The following PITPNB variants were observed in gnomAD, a reference collection of about 807,000 sequenced individuals.
The protein encoded by PITPNB is phosphatidylinositol transfer protein beta, also known as phosphatidylinositol transfer protein beta isoform.
A neutral mutation model predicts 45.9 loss-of-function variants in PITPNB; 16 were observed. The ratio of observed to expected loss-of-function variants is 0.35; its 90% CI spans 0.24 to 0.53. PITPNB has a LOEUF of 0.53. PITPNB is among the 20% of genes least tolerant of loss of function. The pLI is 0.93. For synonymous variants in PITPNB, 112 were observed against 108.9 expected, an observed-to-expected ratio of 1.03 and a Z score of -0.18; for missense variants, 188 against 330.5, an observed-to-expected ratio of 0.57 and a Z score of 3.34.
intron 6 of PITPNB, 35 bp from the exon 7 acceptor site, chr22:27,894,673 C>G (rs1262087088): frequency 1.7e-6 from 2 of 1,208,690 alleles, no homozygotes; most frequent in Admixed American, 1.7e-5. Context: ...ACAAAACAAA[C>G]TGTAGATTAT....
Position 27,894,547 on chromosome 22 carries a change from ATACT to A in PITPNB, c.456+4_456+7del. The stretch of plus-strand genomic sequence containing the variant: ...GGAACAGATTAAATGTCATTGAGTA[ATACT>A]TACTGCTGGTTCAACTTGACTTCTA... On this transcript the variant is annotated splice_donor_5th_base_variant and intron_variant, in intron 7 of 11. Coordinates refer to ENST00000335272, the MANE Select transcript of PITPNB (RefSeq NM_012399.5). 2 of 1,402,052 alleles carry A rather than the reference ATACT, an allele frequency of 1.4e-6. No homozygotes were observed. Among genetic ancestry groups the A allele is most frequent in the Non-Finnish European group, 2.0e-6 (2 of 988,156 alleles). 86.9% of individuals were successfully genotyped at this position (1,402,052 alleles called of 1,614,324 possible). A position where few individuals can be genotyped will look rare whatever the true frequency, so the allele number is the denominator to read the frequency against.
In PITPNB at chr22:27,866,158, T is replaced by C. The variant is rs143221379; in HGVS notation, c.535-5917A>G. On this transcript the variant is annotated intron_variant, in intron 8 of 11. Transcript: ENST00000335272. ...CAAAAGTTCTACAAGATGAACGTCATGGGCTAACAAGAACCTCAAATTATG... is the reference window on the plus strand; with the variant it reads ...CAAAAGTTCTACAAGATGAACGTCACGGGCTAACAAGAACCTCAAATTATG... 1.5e-3 allele frequency among the ~76,000 whole-genome samples: 229 copies of C among 152,360 alleles called. 1 individual carries two copies. The highest frequency in any genetic ancestry group is 5.1e-3 in the African/African-American group (214 of 41,594).
intron 8 of PITPNB, among the ~76,000 whole-genome samples, chr22:27,872,099 T>G (rs1934682346): frequency 2.8e-5 from 4 of 140,958 alleles, no homozygotes; most frequent in Admixed American, 7.1e-5. Flanking sequence ...TTTTTTTTTT[T>G]TTTTTTTTTT....
intron 8 of PITPNB, among the ~76,000 whole-genome samples, chr22:27,868,153 C>T (rs373987601): frequency 6.6e-6 from 1 of 152,156 alleles, no homozygotes; most frequent in Non-Finnish European, 1.5e-5. Context: ...TCAAATGCTT[C>T]GTATCCTCCC....
At chr22:27,865,299 CA>C (rs1184027225) in intron 8 of PITPNB, among the ~76,000 whole-genome samples, 2 of 152,204 alleles carry the variant, frequency 1.3e-5, no homozygotes, top group Non-Finnish European at 2.9e-5. Flanking sequence ...ATTCTTCTTT[CA>C]CTATAAACAA....
At chr22:27,880,473 GA>G (rs948099210) in intron 7 of PITPNB, among the ~76,000 whole-genome samples, 2 of 151,852 alleles carry the variant, frequency 1.3e-5, no homozygotes, top group African/African-American at 4.8e-5. Flanking sequence ...CCCACCCAAG[GA>G]ACTAGAGCAA....
At chr22:27,912,834 T>A (rs567536477) in intron 2 of PITPNB, among the ~76,000 whole-genome samples, 6 of 151,556 alleles carry the variant, frequency 4.0e-5, no homozygotes, top group African/African-American at 1.5e-4. Context: ...ATACAAAAAT[T>A]AGCCAGGTGC....
intron 7 of PITPNB, among the ~76,000 whole-genome samples, chr22:27,891,165 G>A (rs1383036801): frequency 6.6e-6 from 1 of 152,118 alleles, no homozygotes; most frequent in East Asian, 1.9e-4. Context: ...GATGGTTGCA[G>A]GACCCTGTTA....
intron 3 of PITPNB, among the ~76,000 whole-genome samples, chr22:27,900,604 T>C (rs1935565614): frequency 6.6e-6 from 1 of 152,170 alleles, no homozygotes; most frequent in African/African-American, 2.4e-5. Context: ...ATCAAATACA[T>C]CTCTCCTCAA....
At position 27,904,558 on chromosome 22, in the gene PITPNB, G is replaced by A. The variant is rs140589699; in HGVS notation, c.197+6406C>T. 6.8e-3 allele frequency among the ~76,000 whole-genome samples: 1,032 copies of A among 152,292 alleles called. 7 individuals are homozygous for A. The highest frequency in any genetic ancestry group is 0.023 in the African/African-American group (936 of 41,556). On this transcript the variant is annotated intron_variant, in intron 3 of 11. Transcript: ENST00000335272. ...CTGAAATTAAGTAACAATGGCAGTT[G>A]CCCAACTCTGTGAATATACCAAAAA...
chr22:27,864,875 T>C (rs755418835), intron 8 of PITPNB, among the ~76,000 whole-genome samples: 3 of 151,282 alleles, frequency 2.0e-5, no homozygotes, highest in Non-Finnish European at 2.9e-5. Flanking sequence ...GAGGCAGAGG[T>C]TGCAGTGAGC....
At chr22:27,906,375 G>A (rs1313891440) in intron 3 of PITPNB, among the ~76,000 whole-genome samples, 1 of 152,316 alleles carries the variant, frequency 6.6e-6, no homozygotes, top group Admixed American at 6.5e-5. Context: ...AGACTTCAGA[G>A]AAAGTAAGAG....
intron 3 of PITPNB, among the ~76,000 whole-genome samples, chr22:27,903,777 C>CAAAAAAAAA (rs58453570): frequency 1.2e-5 from 1 of 84,258 alleles, no homozygotes; most frequent in Non-Finnish European, 2.5e-5. Flanking sequence ...CCCTGTCTCC[C>CAAAAAAAAA]AAAAAAAAAA....
chr22:27,873,951 G>A, intron 7 of PITPNB, 136 bp from the exon 8 acceptor site: 3 of 615,748 alleles, frequency 4.9e-6, no homozygotes, highest in African/African-American at 3.7e-5. Context: ...CGTAAAAGTA[G>A]AAAAATGCTT....
chr22:27,869,278 T>C (rs532376925), intron 8 of PITPNB, among the ~76,000 whole-genome samples: 1 of 152,318 alleles, frequency 6.6e-6, no homozygotes, highest in South Asian at 2.1e-4. Flanking sequence ...ACTCAGATTT[T>C]AAAAATTCTT....
intron 8 of PITPNB, among the ~76,000 whole-genome samples, chr22:27,865,620 G>T (rs1256750873): frequency 6.6e-6 from 1 of 152,120 alleles, no homozygotes; most frequent in Non-Finnish European, 1.5e-5. Context: ...AAGTTCCAGC[G>T]TCTCTGCCTA....
intron 8 of PITPNB, among the ~76,000 whole-genome samples, chr22:27,864,885 C>T (rs542096701): frequency 2.0e-5 from 3 of 151,460 alleles, no homozygotes; most frequent in African/African-American, 7.3e-5. Context: ...TTGCAGTGAG[C>T]TGAGTTCGTG....
At chr22:27,907,920 G>GTAC (rs768438925) in intron 3 of PITPNB, among the ~76,000 whole-genome samples, 15 of 151,690 alleles carry the variant, frequency 9.9e-5, no homozygotes, top group African/African-American at 1.9e-4. Flanking sequence ...AAACCACAGG[G>GTAC]TACTCCGCTC....
rs145110496 is a variant in PITPNB at position 27,883,624 on chromosome 22, A to G, written c.457-9809T>C. 1.1e-3 allele frequency among the ~76,000 whole-genome samples: 172 copies of G among 152,380 alleles called. 1 individual carries two copies. The highest frequency in any genetic ancestry group is 3.0e-3 in the African/African-American group (124 of 41,596). On this transcript the variant is annotated intron_variant, in intron 7 of 11. Coordinates refer to ENST00000335272, the MANE Select transcript of PITPNB (RefSeq NM_012399.5). ...CTGCCTGCGGGCAGACCACACTTGA[A>G]TGCAAAGGGACTCAGGGTTTTGGCT...
Sources: allele counts gnomAD v4.1 joint callset (sites outside exome capture counted in the v4.1 genomes callset), GRCh38; gene constraint gnomAD v4.1.1; transcripts MANE v1.5; gene names NCBI Gene and HGNC (gene_info 2026-07-23, HGNC 2026-07-21).